Variants in OPCML observed in about 807,000 individuals in gnomAD.
OPCML encodes the protein opioid binding protein/cell adhesion molecule like.
In OPCML, 13 loss-of-function variants were observed where a neutral mutation model predicts 37.8. The ratio of observed to expected loss-of-function variants is 0.34; its 90% CI spans 0.22 to 0.55. The LOEUF is 0.55. Ranked by LOEUF, OPCML falls within the 20% of genes least tolerant of loss-of-function variation. The pLI, the probability that OPCML is intolerant of heterozygous loss-of-function variation, is 0.91. For synonymous variants in OPCML, 176 were observed against 168.8 expected, an observed-to-expected ratio of 1.04 and a Z score of -0.33; for missense variants, 341 against 435.6, an observed-to-expected ratio of 0.78 and a Z score of 1.93.
chr11:132,673,582 T>C (rs1270462523), intron 2 of OPCML, among the ~76,000 whole-genome samples: 1 of 152,078 alleles, frequency 6.6e-6, no homozygotes, highest in Non-Finnish European at 1.5e-5. Flanking sequence ...GGGGCAGGGT[T>C]GGGAGGTGGA....
chr11:132,507,918 G>A (rs150803249), intron 4 of OPCML, among the ~76,000 whole-genome samples: 188 of 152,062 alleles, frequency 1.2e-3, no homozygotes, highest in African/African-American at 4.3e-3. Flanking sequence ...GGCTGAAAGG[G>A]AAAAAATAAT....
intron 1 of OPCML, among the ~76,000 whole-genome samples, chr11:132,983,562 A>G (rs1946632734): frequency 6.6e-6 from 1 of 152,130 alleles, no homozygotes; most frequent in South Asian, 2.1e-4. Context: ...TGTCTTATTT[A>G]CTGGGTAAGC....
intron 1 of OPCML, among the ~76,000 whole-genome samples, chr11:133,324,741 T>G (rs750171294): frequency 5.9e-5 from 9 of 152,180 alleles, no homozygotes; most frequent in Non-Finnish European, 1.3e-4. Flanking sequence ...AATGTTTTAT[T>G]CTTCAAAAGG....
intron 1 of OPCML, among the ~76,000 whole-genome samples, chr11:133,497,891 C>T (rs1947819545): frequency 6.6e-6 from 1 of 152,244 alleles, no homozygotes; most frequent in Non-Finnish European, 1.5e-5. Context: ...AATTAACCAG[C>T]ATCTCCCCAC....
intron 2 of OPCML, among the ~76,000 whole-genome samples, chr11:132,934,737 T>C (rs1945316821): frequency 6.6e-6 from 1 of 152,200 alleles, no homozygotes; most frequent in South Asian, 2.1e-4. Flanking sequence ...CTTTCATGAG[T>C]AATTCCATTA....
intron 1 of OPCML, among the ~76,000 whole-genome samples, chr11:133,367,137 C>T (rs1300145985): frequency 6.6e-6 from 1 of 152,164 alleles, no homozygotes; most frequent in East Asian, 1.9e-4. Context: ...TACCACGACA[C>T]CCAGCTAACT....
At chr11:133,455,118 T>G (rs1946649754) in intron 1 of OPCML, among the ~76,000 whole-genome samples, 2 of 152,170 alleles carry the variant, frequency 1.3e-5, no homozygotes, top group Non-Finnish European at 2.9e-5. Flanking sequence ...TCTTGCATCC[T>G]TCACCAACCC....
chr11:133,532,467 C>G lies in OPCML; in HGVS notation c.-143G>C. 1 of 942,252 alleles carries G rather than the reference C, an allele frequency of 1.1e-6. No individual in the cohort carries two copies. 58.4% of individuals were successfully genotyped at this position (942,252 alleles called of 1,614,324 possible). A position where few individuals can be genotyped will look rare whatever the true frequency, so the allele number is the denominator to read the frequency against. On this transcript the variant is annotated 5_prime_UTR_variant, in exon 1 of 8. Coordinates refer to ENST00000524381, the MANE Select transcript of OPCML (RefSeq NM_001012393.5). ...GGGAGAGAGCAGAAGAGAGAGAGAG[C>G]GCGCGAGAGATGGGAGCAGGCAGGC... is the stretch of plus-strand genomic sequence containing the variant.
chr11:133,492,903 G>A (rs1190387025), intron 1 of OPCML, among the ~76,000 whole-genome samples: 2 of 152,116 alleles, frequency 1.3e-5, no homozygotes, highest in Non-Finnish European at 2.9e-5. Flanking sequence ...CATCCCTGTG[G>A]GAGTCATTTA....
chr11:133,173,627 A>G lies in OPCML; in HGVS notation c.62-230617T>C, dbSNP rs1024208920. On this transcript the variant is annotated intron_variant, in intron 1 of 7. Coordinates refer to ENST00000524381, the MANE Select transcript of OPCML (RefSeq NM_001012393.5). The surrounding 1 kb of genome is among the most constrained non-coding windows in gnomAD (Gnocchi z 7.8). ...CCCCCAGATGCCTCTCATTGCAAAAATTAGCAGTAACGCGATGAGGCTAAC... is the reference window on the plus strand; with the variant it reads ...CCCCCAGATGCCTCTCATTGCAAAAGTTAGCAGTAACGCGATGAGGCTAAC... Among the ~76,000 whole-genome samples, 15 of 152,202 alleles carry G rather than the reference A, an allele frequency of 9.9e-5. No individual in the cohort carries two copies. Among genetic ancestry groups the G allele is most frequent in the Non-Finnish European group, 1.6e-4 (11 of 68,036 alleles).
chr11:133,154,841 GAATC>G (rs1349462827), intron 1 of OPCML, among the ~76,000 whole-genome samples: 1 of 152,090 alleles, frequency 6.6e-6, no homozygotes, highest in Non-Finnish European at 1.5e-5. Flanking sequence ...GCAAAGATGA[GAATC>G]AAAGTTTCTG....
intron 1 of OPCML, among the ~76,000 whole-genome samples, chr11:133,315,043 T>C (rs1431903904): frequency 3.9e-5 from 6 of 152,116 alleles, no homozygotes; most frequent in Non-Finnish European, 7.4e-5. Flanking sequence ...AACTGAACCA[T>C]GTAAAACCTA....
chr11:132,647,348 C>T (rs1941204568), intron 3 of OPCML, among the ~76,000 whole-genome samples: 1 of 152,148 alleles, frequency 6.6e-6, no homozygotes, highest in Admixed American at 6.5e-5. Context: ...TATAAGATGA[C>T]CGCCACCCCA....
Position 132,657,151 on chromosome 11 carries a change from C to T in OPCML, c.315G>A (p.Pro105=), listed in dbSNP as rs369569350. 5.5e-5 allele frequency: 89 copies of T among 1,614,194 alleles called. No individual in the cohort carries two copies. The highest frequency in any genetic ancestry group is 3.3e-4 in the Middle Eastern group (2 of 6,062). Residue 105 remains proline, a synonymous_variant, in exon 3 of 8, where the codon CCG becomes CCA. Coordinates refer to ENST00000524381, the MANE Select transcript of OPCML (RefSeq NM_001012393.5). ...TGTCTGTCTGCACAGAGCAGGTGTA[C>T]GGACCTTCGTCATACACATCCACAT... The part of the protein sequence containing the change: ...IQNVDVYDEG[P]YTCSVQTDNH...
intron 1 of OPCML, among the ~76,000 whole-genome samples, chr11:133,254,135 G>C (rs887303712): frequency 2.0e-5 from 3 of 152,152 alleles, no homozygotes; most frequent in African/African-American, 7.2e-5. Flanking sequence ...TCAAAAAAGG[G>C]GGTATTCATT....
intron 1 of OPCML, among the ~76,000 whole-genome samples, chr11:133,092,658 G>A (rs547416193): frequency 4.6e-5 from 7 of 152,168 alleles, no homozygotes; most frequent in East Asian, 3.9e-4. Context: ...CCCGGGAGGC[G>A]GAGGTTGCAG....
At chr11:132,900,011 C>T (rs1220728144) in intron 2 of OPCML, among the ~76,000 whole-genome samples, 5 of 152,058 alleles carry the variant, frequency 3.3e-5, no homozygotes, top group East Asian at 1.9e-4. Flanking sequence ...ACGGCTGTCA[C>T]GGGACTTCTC....
rs543931344 is a variant in OPCML, at chr11:133,131,357, A to G, written c.62-188347T>C. On this transcript the variant is annotated intron_variant, in intron 1 of 7. Coordinates refer to ENST00000524381, the MANE Select transcript of OPCML (RefSeq NM_001012393.5). ...CAAAATGGACCATAAATTTAAATGT[A>G]AAAAGCAAAACAGCACAACTTCTAG... is the stretch of plus-strand genomic sequence containing the variant. 2.0e-5 allele frequency among the ~76,000 whole-genome samples: 3 copies of G among 152,340 alleles called. No homozygotes were observed. The East Asian group carries it at 5.8e-4, about 29-fold the overall frequency.
At chr11:132,969,750 A>G (rs555691787) in intron 1 of OPCML, among the ~76,000 whole-genome samples, 2 of 152,266 alleles carry the variant, frequency 1.3e-5, no homozygotes, top group African/African-American at 4.8e-5. Context: ...TACAGAATTT[A>G]CCATTTGCTT....
Sources: gnomAD v4.1 joint callset for allele counts (sites outside exome capture counted in the v4.1 genomes callset) on GRCh38, gnomAD v4.1.1 for gene constraint, Gnocchi (gnomAD v3.1) non-coding constraint, MANE v1.5 for transcripts, NCBI Gene and HGNC (gene_info 2026-07-23, HGNC 2026-07-21) for gene names.